NMNAT1: variants seen among roughly 807,000 people sequenced by gnomAD.
NMNAT1 encodes the protein nicotinamide/nicotinic acid mononucleotide adenylyltransferase 1.
Under a neutral mutation model 16.7 loss-of-function variants are expected in NMNAT1, and 11 were observed. That is an observed-to-expected ratio of 0.66 (90% CI 0.41 to 1.09). The LOEUF (loss-of-function observed/expected upper bound fraction) is 1.09, where lower values mean the gene tolerates loss of function less well. Among genes scored for constraint, NMNAT1 ranks in the 50% least tolerant of loss-of-function variants. NMNAT1 has a pLI of 0.00. For synonymous variants in NMNAT1, 110 were observed against 119.8 expected (o/e 0.92, Z 0.53); for missense variants, 280 against 332.3 (o/e 0.84, Z 1.22).
chr1:9,970,730 G>T (rs770650543), intron 1 of NMNAT1, among the ~76,000 whole-genome samples: 8 of 151,884 alleles, frequency 5.3e-5, no homozygotes, highest in Non-Finnish European at 1.2e-4. Flanking sequence ...CCTAAAATTG[G>T]ATGCCTTATG....
chr1:9,944,671 G>A (rs985105674), intron 1 of NMNAT1, among the ~76,000 whole-genome samples: 1 of 152,172 alleles, frequency 6.6e-6, no homozygotes, highest in African/African-American at 2.4e-5. Flanking sequence ...ACAAGCCACC[G>A]ACAGGCCTGG....
intron 1 of NMNAT1, among the ~76,000 whole-genome samples, chr1:9,954,501 A>G (rs1641203483): frequency 6.6e-6 from 1 of 152,082 alleles, no homozygotes; most frequent in South Asian, 2.1e-4. Context: ...GAGCCACTGG[A>G]CCCAGCCCTG....
At chr1:9,959,525 A>G (rs1641352762) in intron 1 of NMNAT1, among the ~76,000 whole-genome samples, 1 of 151,204 alleles carries the variant, frequency 6.6e-6, no homozygotes, top group Admixed American at 6.6e-5. Flanking sequence ...TACTAAAAAT[A>G]CAAAAATTAG....
intron 2 of NMNAT1, among the ~76,000 whole-genome samples, chr1:9,974,167 C>T (rs909978200): frequency 4.6e-5 from 7 of 151,968 alleles, no homozygotes; most frequent in African/African-American, 1.7e-4. Context: ...GTGTATCCTT[C>T]CACTCTTCTT....
intron 1 of NMNAT1, among the ~76,000 whole-genome samples, chr1:9,960,231 G>A (rs541380447): frequency 6.6e-6 from 1 of 152,200 alleles, no homozygotes; most frequent in East Asian, 1.9e-4. Context: ...GCTGCAGTGA[G>A]CAATGATTGT....
Position 9,981,810 on chromosome 1 carries a change from CT to C in NMNAT1, c.440-487del, listed in dbSNP as rs139634047. The stretch of plus-strand genomic sequence containing the variant: ...CTAATCTTTGAGGTGTCCTGGGTCT[CT>C]TTTGGGAATCTGATTCTCATAAAAT... On this transcript the variant is annotated intron_variant, in intron 4 of 4. Transcript: ENST00000377205. 1,174 of 154,724 alleles carry C rather than the reference CT, an allele frequency of 7.6e-3. 7 individuals carry two copies. The highest frequency in any genetic ancestry group is 0.013 in the Non-Finnish European group (881 of 70,026). The allele number at this position is 154,724 out of a possible 1,614,324, so 9.6% of individuals were successfully genotyped here.
intron 1 of NMNAT1, among the ~76,000 whole-genome samples, chr1:9,967,215 C>G (rs1029917207): frequency 6.6e-6 from 1 of 151,840 alleles, no homozygotes; most frequent in Non-Finnish European, 1.5e-5. Context: ...CAGAGTGAAA[C>G]TAAGTCCCCC....
downstream of NMNAT1, among the ~76,000 whole-genome samples, chr1:9,989,037 T>C (rs919980596): frequency 2.6e-5 from 4 of 152,238 alleles, no homozygotes; most frequent in African/African-American, 7.2e-5. Context: ...GGGTCCCCAA[T>C]GAGGGCTCCC....
intron 1 of NMNAT1, among the ~76,000 whole-genome samples, chr1:9,964,929 CAAAAAAAAAAA>C (rs775381643): frequency 3.0e-5 from 1 of 33,454 alleles, no homozygotes; most frequent in African/African-American, 9.1e-5. Context: ...ACCTGGGCGA[CAAAAAAAAAAA>C]AAAAAAAAAG....
At chr1:9,966,582 C>T (rs1285368561) in intron 1 of NMNAT1, among the ~76,000 whole-genome samples, 2 of 150,476 alleles carry the variant, frequency 1.3e-5, no homozygotes, top group African/African-American at 2.4e-5. Flanking sequence ...CACTGCACTC[C>T]AGCCTGAGCA....
At chr1:9,961,849 G>C (rs982810382) in intron 1 of NMNAT1, among the ~76,000 whole-genome samples, 3 of 151,906 alleles carry the variant, frequency 2.0e-5, no homozygotes, top group African/African-American at 7.3e-5. Context: ...TCGGCTCGCC[G>C]CAACCTCCAC....
downstream of NMNAT1, among the ~76,000 whole-genome samples, chr1:9,987,284 G>A (rs763663961): frequency 6.0e-4 from 91 of 152,094 alleles, no homozygotes; most frequent in Non-Finnish European, 5.6e-4. Context: ...CAAGACAGGA[G>A]GAGCACTTGA....
downstream of NMNAT1, among the ~76,000 whole-genome samples, chr1:9,990,067 C>T (rs1570722504): frequency 1.3e-5 from 2 of 152,224 alleles, no homozygotes; most frequent in African/African-American, 2.4e-5. Context: ...CTAGTTCCAG[C>T]GCCCCTGCAT....
Position 9,981,057 on chromosome 1 carries a change from G to A in NMNAT1, c.326G>A (p.Ser109Asn). The A allele has an allele frequency of 1.2e-6, 2 of 1,610,592 alleles. No individual in the cohort carries two copies. The highest frequency in any genetic ancestry group is 1.7e-6 in the Non-Finnish European group (2 of 1,179,182). Reference sequence around the variant, plus strand: ...CACCATCAAGAGAAATTGGAGGCTAGTGACTGTGATCACCAGCAGAACTCA... The same window carrying A: ...CACCATCAAGAGAAATTGGAGGCTAATGACTGTGATCACCAGCAGAACTCA... The part of the protein sequence containing the change: ...LRHHQEKLEA[S>N]DCDHQQNSPT... Residue 109 changes from serine to asparagine, a missense_variant, in exon 4 of 5, where the codon AGT (serine) becomes AAT (asparagine). By Grantham distance (46) the Ser-to-Asn change is conservative. Coordinates refer to ENST00000377205, the MANE Select transcript of NMNAT1 (RefSeq NM_022787.4).
At chr1:9,980,989 A>T in intron 3 of NMNAT1, 42 bp from the exon 4 acceptor site, 4 of 1,581,676 alleles carry the variant, frequency 2.5e-6, no homozygotes, top group Non-Finnish European at 3.4e-6. Context: ...CTAATGGAGC[A>T]TGTGAGAAAG....
intron 1 of NMNAT1, among the ~76,000 whole-genome samples, chr1:9,969,750 C>CA (rs1212095788): frequency 1.3e-5 from 2 of 151,536 alleles, no homozygotes; most frequent in African/African-American, 4.9e-5. Context: ...GACTCTGTCT[C>CA]AAAAAAATAA....
intron 2 of NMNAT1, among the ~76,000 whole-genome samples, chr1:9,973,124 T>G (rs1158367759): frequency 6.6e-6 from 1 of 152,086 alleles, no homozygotes; most frequent in Non-Finnish European, 1.5e-5. Flanking sequence ...CTTTCTTTCT[T>G]TCTTTTTTTT....
At chr1:9,979,749 C>T (rs1473727934) in intron 3 of NMNAT1, among the ~76,000 whole-genome samples, 4 of 149,386 alleles carry the variant, frequency 2.7e-5, no homozygotes, top group African/African-American at 9.9e-5. Context: ...TTGCAGTGAG[C>T]TGAGATCGTG....
chr1:9,970,352 C>T (rs994990752), intron 1 of NMNAT1, among the ~76,000 whole-genome samples: 29 of 151,834 alleles, frequency 1.9e-4, no homozygotes, highest in African/African-American at 6.8e-4. Flanking sequence ...TCATTAAGGG[C>T]CTTTTTTACC....
Sources: allele counts gnomAD v4.1 joint callset (sites outside exome capture counted in the v4.1 genomes callset), GRCh38; gene constraint gnomAD v4.1.1; transcripts MANE v1.5; gene names NCBI Gene and HGNC (gene_info 2026-07-23, HGNC 2026-07-21).